KCNH7: variants seen among roughly 807,000 people sequenced by gnomAD.
KCNH7 encodes potassium voltage-gated channel subfamily H member 7, also known as voltage-gated inwardly rectifying potassium channel KCNH7.
Under a neutral mutation model 120.8 loss-of-function variants are expected in KCNH7, and 49 were observed. That is an observed-to-expected ratio of 0.41 (90% CI 0.32 to 0.51). The LOEUF (loss-of-function observed/expected upper bound fraction) is 0.51, where lower values mean the gene tolerates loss of function less well. Ranked by LOEUF, KCNH7 falls within the 20% of genes least tolerant of loss-of-function variation. The pLI, the probability that KCNH7 is intolerant of heterozygous loss-of-function variation, is 0.38. For missense variants in KCNH7, 1,097 were observed against 1,446.6 expected (o/e 0.76, Z 3.92); for synonymous variants, 547 against 516.1 (o/e 1.06, Z -0.81).
chr2:162,834,397 T>C (rs1027883835), intron 2 of KCNH7, among the ~76,000 whole-genome samples: 4 of 152,054 alleles, frequency 2.6e-5, no homozygotes, highest in Non-Finnish European at 5.9e-5. Flanking sequence ...TCCATATCAA[T>C]TAAAGCAAAA....
intron 2 of KCNH7, among the ~76,000 whole-genome samples, chr2:162,694,160 A>T (rs1686208679): frequency 6.6e-6 from 1 of 152,202 alleles, no homozygotes; most frequent in South Asian, 2.1e-4. Flanking sequence ...CTTATCATTC[A>T]GTAATTTACA....
At chr2:162,787,644 A>G (rs918572243) in intron 2 of KCNH7, among the ~76,000 whole-genome samples, 1 of 152,168 alleles carries the variant, frequency 6.6e-6, no homozygotes. Flanking sequence ...AGTCTTTCCC[A>G]TGGATCAAGG....
Position 162,758,401 on chromosome 2 carries a change from G to A in KCNH7, c.307+78136C>T, listed in dbSNP as rs567744046. ...ATCCAAAAATGTTGAAGAAATTCTC[G>A]CTTTAAAAAGTAACTTAAAGTTTGT... On this transcript the variant is annotated intron_variant, in intron 2 of 15. Coordinates refer to ENST00000332142, the MANE Select transcript of KCNH7 (RefSeq NM_033272.4). 3.9e-5 allele frequency among the ~76,000 whole-genome samples: 6 copies of A among 151,946 alleles called. No individual in the cohort carries two copies. In the East Asian group the frequency reaches 7.7e-4, roughly 20 times the overall value.
At chr2:162,588,927 G>C (rs1439346989) in intron 2 of KCNH7, among the ~76,000 whole-genome samples, 1 of 151,992 alleles carries the variant, frequency 6.6e-6, no homozygotes, top group African/African-American at 2.4e-5. Context: ...TGGTGGGTGC[G>C]ATCCTAGGAC....
At chr2:162,746,228 T>G (rs1688311574) in intron 2 of KCNH7, among the ~76,000 whole-genome samples, 2 of 152,120 alleles carry the variant, frequency 1.3e-5, no homozygotes, top group African/African-American at 4.8e-5. Flanking sequence ...GTTTAATAAT[T>G]ACAAAATTCA....
intron 9 of KCNH7, among the ~76,000 whole-genome samples, chr2:162,421,599 T>C (rs1296756666): frequency 6.6e-6 from 1 of 152,174 alleles, no homozygotes; most frequent in Non-Finnish European, 1.5e-5. Flanking sequence ...GATAATTAAA[T>C]TGGATATAAA....
chr2:162,581,405 C>A (rs1198302471), intron 2 of KCNH7, among the ~76,000 whole-genome samples: 3 of 152,012 alleles, frequency 2.0e-5, no homozygotes, highest in Non-Finnish European at 4.4e-5. Context: ...CTAAACAATA[C>A]AACAATCACT....
intron 2 of KCNH7, among the ~76,000 whole-genome samples, chr2:162,764,066 C>T (rs939143376): frequency 6.6e-6 from 1 of 151,766 alleles, no homozygotes. Flanking sequence ...TCTTTCTTTC[C>T]AAATATTTGG....
At chr2:162,818,543 G>C (rs1414949752) in intron 2 of KCNH7, among the ~76,000 whole-genome samples, 5 of 150,182 alleles carry the variant, frequency 3.3e-5, no homozygotes. Context: ...TCTTTTCCAT[G>C]TTTCTTTGGG....
chr2:162,534,128 A>G (rs989325963), intron 3 of KCNH7, among the ~76,000 whole-genome samples: 50 of 151,624 alleles, frequency 3.3e-4, no homozygotes, highest in African/African-American at 1.2e-3. Context: ...ATAATATTAC[A>G]TTTCTAAATT....
intron 2 of KCNH7, among the ~76,000 whole-genome samples, chr2:162,745,208 G>T (rs1490705703): frequency 6.6e-6 from 1 of 152,124 alleles, no homozygotes; most frequent in Non-Finnish European, 1.5e-5. Context: ...AGAGGGGTCT[G>T]GTTGACAATC....
chr2:162,404,909 AC>A (rs1687164392), intron 9 of KCNH7, among the ~76,000 whole-genome samples: 1 of 152,014 alleles, frequency 6.6e-6, no homozygotes. Flanking sequence ...CCAAATTAAA[AC>A]AAAAAATTAC....
At chr2:162,571,571 A>G (rs1693476613) in intron 2 of KCNH7, among the ~76,000 whole-genome samples, 1 of 149,246 alleles carries the variant, frequency 6.7e-6, no homozygotes, top group East Asian at 2.0e-4. Context: ...GAACCAAAAA[A>G]GAGCCTGCAT....
chr2:162,488,021 T>C (rs1436069993), intron 6 of KCNH7, among the ~76,000 whole-genome samples: 3 of 152,212 alleles, frequency 2.0e-5, no homozygotes, highest in Non-Finnish European at 4.4e-5. Flanking sequence ...TATGTGTTTG[T>C]CCCAACCCTC....
chr2:162,768,076 G>C (rs916119814), intron 2 of KCNH7, among the ~76,000 whole-genome samples: 3 of 152,214 alleles, frequency 2.0e-5, no homozygotes, highest in African/African-American at 7.2e-5. Context: ...AGTCAGCCAT[G>C]TTTTGGGTTA....
chr2:162,500,762 T>C (rs1314527917), intron 6 of KCNH7, among the ~76,000 whole-genome samples: 1 of 152,070 alleles, frequency 6.6e-6, no homozygotes. Flanking sequence ...ATTAAGGAAA[T>C]ACTGCTGGCT....
chr2:162,507,012 T>A (rs1193198968), intron 5 of KCNH7, among the ~76,000 whole-genome samples: 2 of 151,884 alleles, frequency 1.3e-5, no homozygotes, highest in African/African-American at 2.4e-5. Flanking sequence ...CTGTTTCACA[T>A]ATAAACACCA....
At chr2:162,638,945 C>T (rs1684054229) in intron 2 of KCNH7, among the ~76,000 whole-genome samples, 1 of 152,098 alleles carries the variant, frequency 6.6e-6, no homozygotes, top group Non-Finnish European at 1.5e-5. Flanking sequence ...AAACTTGGCA[C>T]TATTATCATT....
chr2:162,813,806 C>G (rs1379860712), intron 2 of KCNH7, among the ~76,000 whole-genome samples: 1 of 152,188 alleles, frequency 6.6e-6, no homozygotes, highest in Admixed American at 6.5e-5. Context: ...TTGACACTTA[C>G]TTCCAAGACT....
Sources: gnomAD v4.1 joint callset for allele counts (sites outside exome capture counted in the v4.1 genomes callset) on GRCh38, gnomAD v4.1.1 for gene constraint, MANE v1.5 for transcripts, NCBI Gene and HGNC (gene_info 2026-07-23, HGNC 2026-07-21) for gene names.